Variants in PRAMEF4 observed in about 807,000 individuals in gnomAD.
PRAMEF4 encodes the protein PRAME family member 4.
Under a neutral mutation model 34.4 loss-of-function variants are expected in PRAMEF4, and 18 were observed. The observed-to-expected ratio is 0.52, with a 90% confidence interval of 0.36 to 0.78. The LOEUF is 0.78. Ranked by LOEUF, PRAMEF4 falls within the 30% of genes least tolerant of loss-of-function variation. The pLI, the probability that PRAMEF4 is intolerant of heterozygous loss-of-function variation, is 0.00. For missense variants in PRAMEF4, 482 were observed against 569.1 expected (o/e 0.85, Z 1.56); for synonymous variants, 156 against 219.3 (o/e 0.71, Z 2.55).
chr1:12,882,583 C>T lies in PRAMEF4; in HGVS notation c.294-148G>A, dbSNP rs368410093. On this transcript the variant is annotated intron_variant, in intron 2 of 3. Coordinates refer to ENST00000235349, the MANE Select transcript of PRAMEF4 (RefSeq NM_001009611.4). ...CTGTTTTCCCCTTGGATCCTGCCCA[C>T]TTCCACATTGTTTTGTTTTTTTTTT... 108 of 1,221,116 alleles carry T rather than the reference C, an allele frequency of 8.8e-5. 5 individuals are homozygous for T. The East Asian group carries it at 2.1e-3, about 23-fold the overall frequency. 75.6% of individuals were successfully genotyped at this position (1,221,116 alleles called of 1,614,324 possible). A position where few individuals can be genotyped will look rare whatever the true frequency, so the allele number is the denominator to read the frequency against.
At chr1:12,884,267 T>C (rs940354332) in intron 1 of PRAMEF4, among the ~76,000 whole-genome samples, 1 of 148,716 alleles carries the variant, frequency 6.7e-6, no homozygotes, top group Non-Finnish European at 1.5e-5. Flanking sequence ...TCTACCCCTC[T>C]TGGCCTCCCA....
chr1:12,883,347 C>T lies in PRAMEF4; in HGVS notation c.48G>A (p.Gly16=), dbSNP rs1030498997. The change falls in exon 2 of 4, where the codon GGG becomes GGA. Residue 16 remains glycine, a synonymous_variant. Coordinates refer to ENST00000235349, the MANE Select transcript of PRAMEF4 (RefSeq NM_001009611.4). ...AAGCTTGGTCCCTTAGCAGGCTCCG[C>T]CCTGCAAGCTCCAGGAGTCTGGGTG... ...WTPPRLLELA[G]RSLLRDQALA... 1.2e-6 allele frequency: 2 copies of T among 1,600,672 alleles called. No individual in the cohort carries two copies. Among genetic ancestry groups the T allele is most frequent in the Non-Finnish European group, 1.7e-6 (2 of 1,173,562 alleles).
chr1:12,882,133 C>A lies in PRAMEF4; in HGVS notation c.596G>T (p.Ser199Ile). Residue 199 changes from serine to isoleucine, a missense_variant, in exon 3 of 4, where the codon AGC becomes ATC. Coordinates refer to ENST00000235349, the MANE Select transcript of PRAMEF4 (RefSeq NM_001009611.4). The stretch of plus-strand genomic sequence containing the variant: ...GTCTAGGTTCACCATTTTCAGGATG[C>A]TTCTGATATTGCGGAAGGGCATTCC... Reference protein sequence around the residue: ...ILGMPFRNIRSILKMVNLDCI... With the variant: ...ILGMPFRNIRIILKMVNLDCI... 2 of 1,582,576 alleles carry A rather than the reference C, an allele frequency of 1.3e-6. No homozygotes were observed. Among genetic ancestry groups the A allele is most frequent in the East Asian group, 4.5e-5 (2 of 44,556 alleles).
chr1:12,885,210 A>G (rs1303829310), intron 1 of PRAMEF4, among the ~76,000 whole-genome samples: 2 of 149,950 alleles, frequency 1.3e-5, no homozygotes, highest in African/African-American at 4.9e-5. Flanking sequence ...GCTCACTGTT[A>G]CCTCCGCCTC....
intron 3 of PRAMEF4, among the ~76,000 whole-genome samples, chr1:12,880,714 C>T (rs1640872066): frequency 6.7e-6 from 1 of 148,166 alleles, no homozygotes; most frequent in African/African-American, 2.5e-5. Flanking sequence ...CCCTGGGCCA[C>T]AGGAGCCCAG....
intron 1 of PRAMEF4, 101 bp from the exon 2 acceptor site, chr1:12,883,511 A>T (rs148083581): frequency 0.1 from 147,032 of 1,454,334 alleles, 12,362 homozygotes; most frequent in Non-Finnish European, 0.1. Flanking sequence ...GCAATGGTGA[A>T]AGAGTCCTCA....
chr1:12,882,594 T>G (rs1640913263), intron 2 of PRAMEF4, among the ~76,000 whole-genome samples, 159 bp from the exon 3 acceptor site: 1 of 147,414 alleles, frequency 6.8e-6, no homozygotes, highest in Non-Finnish European at 1.5e-5. Context: ...TTCCACATTG[T>G]TTTGTTTTTT....
At chr1:12,885,927 A>G (rs1414811897) in intron 1 of PRAMEF4, among the ~76,000 whole-genome samples, 1 of 104,852 alleles carries the variant, frequency 9.5e-6, no homozygotes, top group Non-Finnish European at 1.9e-5. Flanking sequence ...GCTCCCTTCA[A>G]GAATTTTAAA....
chr1:12,886,099 C>T (rs532733820), intron 1 of PRAMEF4, 48 bp downstream of exon 1: 2 of 135,430 alleles, frequency 1.5e-5, no homozygotes, highest in East Asian at 2.1e-4. Context: ...CCCAGACCGA[C>T]TGACTGTAGG....
At chr1:12,885,348 C>A (rs924812097) in intron 1 of PRAMEF4, among the ~76,000 whole-genome samples, 1 of 149,932 alleles carries the variant, frequency 6.7e-6, no homozygotes, top group African/African-American at 2.5e-5. Context: ...GTCAAAGATC[C>A]TTTTTGATTG....
rs1007551615 is a variant in PRAMEF4 at position 12,881,737 on chromosome 1, T to C, written c.875+117A>G. The C allele has an allele frequency of 2.7e-6, 4 of 1,497,026 alleles. 1 individual carries two copies. Among genetic ancestry groups the C allele is most frequent in the African/African-American group, 2.9e-5 (2 of 69,266 alleles). The allele number at this position is 1,497,026 out of a possible 1,614,324, so 92.7% of individuals were successfully genotyped here. A position where few individuals can be genotyped will look rare whatever the true frequency, so the allele number is the denominator to read the frequency against. ...CGCCCACAGGACAATGCATGGACAT[T>C]CTAGTGTCCCCTTCACTGTTTCATC... is the stretch of plus-strand genomic sequence containing the variant. On this transcript the variant is annotated intron_variant, in intron 3 of 3. Transcript: ENST00000235349.
rs200492309 is a variant in PRAMEF4, at chr1:12,882,292, C to T, written c.437G>A (p.Arg146Gln). ...PVEDCPRMKG[R>Q]QPLTVFVELW... ...TTCTACGAACACAGTCAAGGGCTGC[C>T]GTCCTTTCATCCTTGGACAGTCCTC... Residue 146 changes from arginine to glutamine, a missense_variant, in exon 3 of 4, where the codon CGG becomes CAG. Transcript: ENST00000235349. 9.2e-4 allele frequency: 1,346 copies of T among 1,466,944 alleles called. 159 individuals are homozygous for T. The highest frequency in any genetic ancestry group is 4.4e-3 in the African/African-American group (251 of 56,842). 90.9% of individuals were successfully genotyped at this position (1,466,944 alleles called of 1,614,324 possible).
chr1:12,881,932 A>T lies in PRAMEF4; in HGVS notation c.797T>A (p.Phe266Tyr), dbSNP rs1467849062. Residue 266 changes from phenylalanine to tyrosine, a missense_variant, in exon 3 of 4, where the codon TTC (phenylalanine) becomes TAC (tyrosine). Around this residue, in one of 6 missense-constraint regions of PRAMEF4, gnomAD observed 81 missense variants for 73.1 expected, o/e 1.11. Coordinates refer to ENST00000235349, the MANE Select transcript of PRAMEF4 (RefSeq NM_001009611.4). ...CTTTTGGAGGCAGCGCAGCTTGAGG[A>T]ACTGAGTGGTGAACTGGGTAACAAT... ...KEIVTQFTTQ[F>Y]LKLRCLQKLY... The T allele has an allele frequency of 3.1e-6, 5 of 1,593,060 alleles. No individual in the cohort carries two copies. The highest frequency in any genetic ancestry group is 4.2e-6 in the Non-Finnish European group (5 of 1,177,550).
Position 12,882,049 on chromosome 1 carries a change from G to A in PRAMEF4, c.680C>T (p.Thr227Ile), listed in dbSNP as rs1368962086. The change falls in exon 3 of 4, where the codon ACC becomes ATC. Residue 227 changes from threonine to isoleucine, a missense_variant. By Grantham distance (89) the Thr-to-Ile change is moderately conservative. Transcript: ENST00000235349. ...ATTCCTCATGTGGCCCAGGTATGGGGTAAACTGTGTCAGGATGGGCAGTAC... is the reference window on the plus strand; with the variant it reads ...ATTCCTCATGTGGCCCAGGTATGGGATAAACTGTGTCAGGATGGGCAGTAC... ...KWVLPILTQF[T>I]PYLGHMRNLQ... The A allele has an allele frequency of 2.5e-6, 4 of 1,590,252 alleles. No individual in the cohort carries two copies. Among genetic ancestry groups the A allele is most frequent in the Non-Finnish European group, 3.4e-6 (4 of 1,173,540 alleles).
intron 3 of PRAMEF4, among the ~76,000 whole-genome samples, chr1:12,881,119 A>C (rs201029069): frequency 2.0e-3 from 294 of 143,576 alleles, no homozygotes; most frequent in East Asian, 7.7e-3. Context: ...TAATCCCAGC[A>C]CTTTGGGAGT....
At position 12,881,950 on chromosome 1, in the gene PRAMEF4, G is replaced by A. The variant is rs528093590; in HGVS notation, c.779C>T (p.Thr260Ile). ...VSPEQKKEIVTQFTTQFLKLR... is the reference protein window; with the variant it reads ...VSPEQKKEIVIQFTTQFLKLR... ...CTTGAGGAACTGAGTGGTGAACTGG[G>A]TAACAATCTCCTTCTTCTGCTCTGG... Residue 260 changes from threonine (T) to isoleucine (I), a missense_variant, in exon 3 of 4, where the codon ACC becomes ATC. Around this residue, in one of 6 missense-constraint regions of PRAMEF4, gnomAD observed 81 missense variants for 73.1 expected, o/e 1.11. Coordinates refer to ENST00000235349, the MANE Select transcript of PRAMEF4 (RefSeq NM_001009611.4). 2.7e-5 allele frequency: 43 copies of A among 1,591,690 alleles called. 1 individual carries two copies. Among genetic ancestry groups the A allele is most frequent in the Non-Finnish European group, 3.7e-5 (43 of 1,176,520 alleles).
intron 2 of PRAMEF4, among the ~76,000 whole-genome samples, chr1:12,882,735 A>G (rs1430340993): frequency 6.8e-6 from 1 of 147,838 alleles, no homozygotes; most frequent in Non-Finnish European, 1.5e-5. Context: ...GGATTACAGG[A>G]GCCCACCACC....
rs866907250 is a variant in PRAMEF4, at chr1:12,884,312, A to T, written c.-16-902T>A. On this transcript the variant is annotated intron_variant, in intron 1 of 3. Transcript: ENST00000235349. ...GATTATAGGTGTGAGCCTCCACCCC[A>T]GCCTCATTATTGAAAATTTCAGTGA... 8.1e-5 allele frequency among the ~76,000 whole-genome samples: 12 copies of T among 148,854 alleles called. 2 individuals carry two copies. The highest frequency in any genetic ancestry group is 3.9e-4 in the East Asian group (2 of 5,112).
Position 12,883,149 on chromosome 1 carries a change from A to G in PRAMEF4, c.246T>C (p.Ala82=), listed in dbSNP as rs767309848. Residue 82 remains alanine, a synonymous_variant, in exon 2 of 4, where the codon GCT becomes GCC. Coordinates refer to ENST00000235349, the MANE Select transcript of PRAMEF4 (RefSeq NM_001009611.4). ...GCAGTGCATCCAGCCCATCGAGCACAGCTTGGAAGGCCTCCAGACAAGGCA... is the reference window on the plus strand; with the variant it reads ...GCAGTGCATCCAGCCCATCGAGCACGGCTTGGAAGGCCTCCAGACAAGGCA... ...IKMPCLEAFQ[A]VLDGLDALLN... 4 of 1,601,656 alleles carry G rather than the reference A, an allele frequency of 2.5e-6. No homozygotes were observed. Among genetic ancestry groups the G allele is most frequent in the East Asian group, 2.3e-5 (1 of 44,334 alleles).
Sources: allele counts gnomAD v4.1 joint callset (sites outside exome capture counted in the v4.1 genomes callset), GRCh38; gene constraint gnomAD v4.1.1; regional missense constraint gnomAD v4.1.1; transcripts MANE v1.5; gene names NCBI Gene and HGNC (gene_info 2026-07-23, HGNC 2026-07-21).